UBR4: variants seen among roughly 807,000 people sequenced by gnomAD.
The protein encoded by UBR4 is E3 ubiquitin-protein ligase UBR4.
In UBR4, 124 loss-of-function variants were observed where a neutral mutation model predicts 575.6. The ratio of observed to expected loss-of-function variants is 0.22; its 90% CI spans 0.19 to 0.25. The LOEUF is 0.25. Among genes scored for constraint, UBR4 ranks in the 10% least tolerant of loss-of-function variants. The pLI is 1.00. For synonymous variants in UBR4, 2,455 were observed against 2,473.7 expected, an observed-to-expected ratio of 0.99 and a Z score of 0.22; for missense variants, 4,818 against 6,478.8, an observed-to-expected ratio of 0.74 and a Z score of 8.80.
chr1:19,143,337 G>C (rs571927574), intron 55 of UBR4, among the ~76,000 whole-genome samples: 1 of 151,550 alleles, frequency 6.6e-6, no homozygotes, highest in South Asian at 2.1e-4. Flanking sequence ...AAAGTACATA[G>C]TGACTTTCAT....
chr1:19,162,009 G>A (rs1481117876), intron 35 of UBR4, 112 bp from the exon 36 acceptor site: 4 of 1,206,850 alleles, frequency 3.3e-6, no homozygotes, highest in Non-Finnish European at 4.7e-6. Context: ...ACTCGCAAAT[G>A]ACCCGTGGAA....
In UBR4 at chr1:19,150,557, AC is replaced by A; in HGVS notation, c.7430+19del. 1 of 1,611,840 alleles carries A rather than the reference AC, an allele frequency of 6.2e-7. No individual in the cohort carries two copies. Among genetic ancestry groups the A allele is most frequent in the Non-Finnish European group, 8.5e-7 (1 of 1,179,502 alleles). On this transcript the variant is annotated intron_variant, in intron 49 of 105. Transcript: ENST00000375254. ...GTGGAATATGTAAAAACTGAAGCCA[AC>A]CCCTGCCAGCACTGGTACCTCTCCA...
chr1:19,111,013 A>G (rs2079800825), intron 78 of UBR4, among the ~76,000 whole-genome samples, 181 bp from the exon 79 acceptor site: 1 of 152,216 alleles, frequency 6.6e-6, no homozygotes, highest in Non-Finnish European at 1.5e-5. Context: ...CGGTAATAAT[A>G]AAGGGCCCAT....
At chr1:19,150,980 T>C (rs778639952) in intron 48 of UBR4, 187 bp from the exon 49 acceptor site, 2 of 651,650 alleles carry the variant, frequency 3.1e-6, no homozygotes, top group Non-Finnish European at 2.6e-6. Flanking sequence ...GTGGTAAAAG[T>C]TCCATGGACC....
rs948689003 is a variant in UBR4, at chr1:19,157,121, G to A, written c.5761-196C>T. Reference sequence around the variant, plus strand: ...AGCTATGGAATGTATTTCCATGGAGGACAGAACAGGTAAGTAATGAAAACA... The same window carrying A: ...AGCTATGGAATGTATTTCCATGGAGAACAGAACAGGTAAGTAATGAAAACA... On this transcript the variant is annotated intron_variant, in intron 40 of 105. Transcript: ENST00000375254. The surrounding 1 kb of genome is among the most constrained non-coding windows in gnomAD (Gnocchi z 4.4). 1.3e-5 allele frequency among the ~76,000 whole-genome samples: 2 copies of A among 152,178 alleles called. No individual in the cohort carries two copies. Among genetic ancestry groups the A allele is most frequent in the Non-Finnish European group, 2.9e-5 (2 of 68,038 alleles).
Position 19,152,464 on chromosome 1 carries a change from G to A in UBR4, c.6845C>T (p.Ser2282Phe), listed in dbSNP as rs777998295. The change falls in exon 47 of 106, where the codon TCT becomes TTT. Residue 2282 changes from serine to phenylalanine, a missense_variant. Transcript: ENST00000375254. The surrounding 1 kb of genome is among the most constrained non-coding windows in gnomAD (Gnocchi z 4.4). ...RKTATITTRT[S>F]SQVTFPIDFF... ...GTCAATGGGGAAAGTCACCTGGCTAGACGTGCGGGTTGCTGCAGAGAACGG... is the reference window on the plus strand; with the variant it reads ...GTCAATGGGGAAAGTCACCTGGCTAAACGTGCGGGTTGCTGCAGAGAACGG... The A allele has an allele frequency of 6.2e-7, 1 of 1,613,970 alleles. No individual in the cohort carries two copies. The highest frequency in any genetic ancestry group is 1.7e-5 in the Admixed American group (1 of 60,018).
rs1402739669 is a variant in UBR4, at chr1:19,119,711, T to C, written c.10311-10A>G. ...AGATTTGCTGGAATTTCTGTGGATATATGACAGCTCATGTTACCAAGCAGC... is the reference window on the plus strand; with the variant it reads ...AGATTTGCTGGAATTTCTGTGGATACATGACAGCTCATGTTACCAAGCAGC... On this transcript the variant is annotated splice_polypyrimidine_tract_variant and intron_variant, in intron 69 of 105. Coordinates refer to ENST00000375254, the MANE Select transcript of UBR4 (RefSeq NM_020765.3). 3.7e-6 allele frequency: 6 copies of C among 1,600,416 alleles called. No individual in the cohort carries two copies. In the South Asian group the frequency reaches 6.6e-5, roughly 18 times the overall value.
At chr1:19,109,547 A>G (rs981251970) in intron 81 of UBR4, among the ~76,000 whole-genome samples, 5 of 152,248 alleles carry the variant, frequency 3.3e-5, no homozygotes, top group African/African-American at 1.2e-4. Context: ...AGCCACAGCT[A>G]ACATTTGTTA....
At position 19,165,485 on chromosome 1, in the gene UBR4, T is replaced by C. The variant is rs2088188028; in HGVS notation, c.4212-136A>G. 6 of 1,038,390 alleles carry C rather than the reference T, an allele frequency of 5.8e-6. No homozygotes were observed. The East Asian group carries it at 1.4e-4, about 25-fold the overall frequency. The allele number at this position is 1,038,390 out of a possible 1,614,324, so 64.3% of individuals were successfully genotyped here. ...CAATAGCACAAGGTGTTCATGAAAT[T>C]AACCCCCTCACCAACAACCCCAAGG... On this transcript the variant is annotated intron_variant, in intron 30 of 105. Coordinates refer to ENST00000375254, the MANE Select transcript of UBR4 (RefSeq NM_020765.3).
intron 60 of UBR4, 34 bp from the exon 61 acceptor site, chr1:19,129,108 CTGT>C: frequency 6.3e-7 from 1 of 1,585,238 alleles, no homozygotes; most frequent in East Asian, 2.2e-5. Context: ...AAAATATGAG[CTGT>C]ACTCCAACAG....
intron 86 of UBR4, 32 bp from the exon 87 acceptor site, chr1:19,104,289 C>G (rs2078954674): frequency 6.2e-7 from 1 of 1,609,998 alleles, no homozygotes; most frequent in Non-Finnish European, 8.5e-7. Flanking sequence ...GCTGTGAGAG[C>G]TCTGGATGAA....
chr1:19,105,950 A>T, intron 83 of UBR4, 108 bp from the exon 84 acceptor site: 1 of 682,970 alleles, frequency 1.5e-6, no homozygotes, highest in Non-Finnish European at 2.3e-6. Flanking sequence ...TCTTCTGGGC[A>T]CCTCTCTAGG....
intron 26 of UBR4, among the ~76,000 whole-genome samples, 178 bp downstream of exon 26, chr1:19,170,584 A>G (rs1441317624): frequency 1.3e-5 from 2 of 152,234 alleles, no homozygotes; most frequent in African/African-American, 4.8e-5. Context: ...AAGGGGATCA[A>G]AGTAACACTT....
intron 2 of UBR4, 22 bp from the exon 3 acceptor site, chr1:19,199,776 C>T (rs1260293467): frequency 6.2e-7 from 1 of 1,606,524 alleles, no homozygotes; most frequent in South Asian, 1.1e-5. Context: ...ATAAACATTA[C>T]TCAATTTCAG....
chr1:19,110,776 G>C lies in UBR4; in HGVS notation c.11858C>G (p.Thr3953Arg). 2 of 1,614,228 alleles carry C rather than the reference G, an allele frequency of 1.2e-6. No individual in the cohort carries two copies. Among genetic ancestry groups the C allele is most frequent in the South Asian group, 1.1e-5 (1 of 91,088 alleles). Residue 3953 changes from threonine to arginine, a missense_variant, in exon 79 of 106, where the codon ACA becomes AGA. Physicochemically the swap from Thr to Arg is moderately conservative, Grantham distance 71 (BLOSUM62 -1). This residue lies in a region of UBR4 where 333 missense variants were observed against 459.2 expected (regional missense o/e 0.73). Coordinates refer to ENST00000375254, the MANE Select transcript of UBR4 (RefSeq NM_020765.3). The surrounding 1 kb of genome is among the most constrained non-coding windows in gnomAD (Gnocchi z 4.5). ...GTTGGCCCAGTGGCCCTTCAGGGCT[G>C]TGGAGACCTTGCCAATAATCAGGTC... Reference protein sequence around the residue: ...MNDLIIGKVSTALKGHWANPD... With the variant: ...MNDLIIGKVSRALKGHWANPD...
In UBR4 at chr1:19,139,739, C is replaced by T. The variant is rs1481324472; in HGVS notation, c.8594-519G>A. On this transcript the variant is annotated intron_variant, in intron 58 of 105. Transcript: ENST00000375254. This position sits in a 1 kb window ranked among gnomAD's most constrained non-coding sequence, Gnocchi z 4.2. ...CACTTAGCATGAGCTCTTGAATCAA[C>T]CCTGTTTTGGTTTTTTTAGCAAGTG... Among the ~76,000 whole-genome samples the T allele has an allele frequency of 6.6e-6, 1 of 152,170 alleles. No homozygotes were observed. The highest frequency in any genetic ancestry group is 1.5e-5 in the Non-Finnish European group (1 of 68,028).
chr1:19,164,448 G>A lies in UBR4; in HGVS notation c.4512-7C>T. The A allele has an allele frequency of 1.2e-6, 2 of 1,611,534 alleles. No homozygotes were observed. Among genetic ancestry groups the A allele is most frequent in the Non-Finnish European group, 1.7e-6 (2 of 1,178,708 alleles). On this transcript the variant is annotated splice_polypyrimidine_tract_variant and splice_region_variant and intron_variant, in intron 32 of 105. Transcript: ENST00000375254. ...CACACCTTCCCCAACTTGGCTAGGAGAAAAGAAAGAGCAAGTTGGTGAATA... is the reference window on the plus strand; with the variant it reads ...CACACCTTCCCCAACTTGGCTAGGAAAAAAGAAAGAGCAAGTTGGTGAATA...
chr1:19,093,373 T>C lies in UBR4; in HGVS notation c.14051A>G (p.Gln4684Arg). 13 of 1,614,256 alleles carry C rather than the reference T, an allele frequency of 8.1e-6. No individual in the cohort carries two copies. Among genetic ancestry groups the C allele is most frequent in the South Asian group, 1.1e-5 (1 of 91,090 alleles). The change falls in exon 96 of 106, where the codon CAG becomes CGG. Residue 4684 changes from glutamine to arginine, a missense_variant. Physicochemically the swap from Gln to Arg is conservative, Grantham distance 43. This residue lies in a region of UBR4 where 165 missense variants were observed against 282.3 expected (regional missense o/e 0.58). Transcript: ENST00000375254. The surrounding 1 kb of genome is among the most constrained non-coding windows in gnomAD (Gnocchi z 4.8). ...AAGTGCATTCTGGGTGATCCCCTTC[T>C]GGAGAATCAGATCCTTCAGCTGGTG... ...NGHQLKDLIL[Q>R]KGITQNALDY...
chr1:19,099,395 A>T (rs1338990425), intron 90 of UBR4, among the ~76,000 whole-genome samples: 2 of 152,338 alleles, frequency 1.3e-5, no homozygotes, highest in African/African-American at 4.8e-5. Flanking sequence ...CATGAAGGTC[A>T]TTAAATGTCC....
Sources: gnomAD v4.1 joint callset for allele counts (sites outside exome capture counted in the v4.1 genomes callset) on GRCh38, gnomAD v4.1.1 for gene constraint, gnomAD v4.1.1 regional missense constraint, Gnocchi (gnomAD v3.1) non-coding constraint, MANE v1.5 for transcripts, NCBI Gene and HGNC (gene_info 2026-07-23, HGNC 2026-07-21) for gene names.